RNF149: variants seen among roughly 807,000 people sequenced by gnomAD.
RNF149 encodes ring finger protein 149, also known as E3 ubiquitin-protein ligase RNF149.
In RNF149, 21 loss-of-function variants were observed where a neutral mutation model predicts 39.0. The observed-to-expected ratio is 0.54, with a 90% CI of 0.38 to 0.77. The LOEUF (loss-of-function observed/expected upper bound fraction) is 0.77, where lower values mean the gene tolerates loss of function less well. Ranked by LOEUF, RNF149 falls within the 30% of genes least tolerant of loss-of-function variation. RNF149 has a pLI of 0.00. For synonymous variants in RNF149, 209 were observed against 213.6 expected (o/e 0.98, Z 0.19); for missense variants, 493 against 534.9 (o/e 0.92, Z 0.77).
rs1682338903 is a variant in RNF149, at chr2:101,276,214, A to C, written c.*1024T>G. The C allele has an allele frequency of 5.1e-6, 5 of 985,190 alleles. No homozygotes were observed. The highest frequency in any genetic ancestry group is 6.0e-6 in the Non-Finnish European group (5 of 829,808). The allele number at this position is 985,190 out of a possible 1,614,324, so 61.0% of individuals were successfully genotyped here. Reference sequence around the variant, plus strand: ...CTCATACTCGACTTCTACCTCCAAGAAGTGAAAAAATAGCAGAGTGTGTGT... The same window carrying C: ...CTCATACTCGACTTCTACCTCCAAGCAGTGAAAAAATAGCAGAGTGTGTGT... On this transcript the variant is annotated 3_prime_UTR_variant, in exon 7 of 7. Coordinates refer to ENST00000295317, the MANE Select transcript of RNF149 (RefSeq NM_173647.4).
chr2:101,303,676 G>A (rs1402260849), intron 1 of RNF149, among the ~76,000 whole-genome samples: 2 of 151,954 alleles, frequency 1.3e-5, no homozygotes, highest in East Asian at 3.9e-4. Context: ...GGAGAGTTCA[G>A]GGATTTCTTT....
At chr2:101,286,428 T>G (rs1682796628) in intron 4 of RNF149, 1 of 302,978 alleles carries the variant, frequency 3.3e-6, no homozygotes. Context: ...GGTTGTACAT[T>G]TTTATGTGCC....
In RNF149 at chr2:101,308,647, G is replaced by T. The variant is rs768940190; in HGVS notation, c.-59C>A. On this transcript the variant is annotated 5_prime_UTR_variant, in exon 1 of 7. Transcript: ENST00000295317. ...GGTCACGCGCGAGTGCGGTGCAGTC[G>T]AAGAGCAGAGAGAAGCGGACACCCA... The T allele has an allele frequency of 2.2e-6, 3 of 1,388,920 alleles. No homozygotes were observed. The highest frequency in any genetic ancestry group is 5.4e-5 in the East Asian group (2 of 37,274). 86.0% of individuals were successfully genotyped at this position (1,388,920 alleles called of 1,614,324 possible). A position where few individuals can be genotyped will look rare whatever the true frequency, so the allele number is the denominator to read the frequency against.
intron 6 of RNF149, among the ~76,000 whole-genome samples, chr2:101,281,119 A>G (rs570355827): frequency 2.6e-5 from 4 of 152,354 alleles, no homozygotes; most frequent in African/African-American, 9.6e-5. Flanking sequence ...ACAGAAAACA[A>G]TTAGACAAGG....
downstream of RNF149, among the ~76,000 whole-genome samples, chr2:101,273,703 GCT>G (rs2104377276): frequency 6.6e-6 from 1 of 151,912 alleles, no homozygotes; most frequent in African/African-American, 2.4e-5. Flanking sequence ...GAATTCCTGG[GCT>G]CAAGAGATCC....
intron 4 of RNF149, among the ~76,000 whole-genome samples, chr2:101,288,220 G>T (rs960960846): frequency 7.4e-6 from 1 of 135,338 alleles, no homozygotes; most frequent in Admixed American, 8.0e-5. Context: ...CAGAATAAAG[G>T]AAAGAAAAAC....
At chr2:101,304,853 T>TTTTTTG (rs1683595803) in intron 1 of RNF149, among the ~76,000 whole-genome samples, 1 of 149,282 alleles carries the variant, frequency 6.7e-6, no homozygotes, top group African/African-American at 2.5e-5. Flanking sequence ...TTTTTTTTTT[T>TTTTTTG]TTTTTGAGAC....
Position 101,308,360 on chromosome 2 carries a change from C to G in RNF149, c.229G>C (p.Val77Leu), listed in dbSNP as rs1232204891. ...SSPKEGAHGL[V>L]GVPWAPGGDL... Reference sequence around the variant, plus strand: ...CCGCCGGGCGCCCACGGGACGCCCACCAGGCCATGCGCGCCCTCCTTGGGC... The same window carrying G: ...CCGCCGGGCGCCCACGGGACGCCCAGCAGGCCATGCGCGCCCTCCTTGGGC... Residue 77 changes from valine (V) to leucine (L), a missense_variant, in exon 1 of 7, where the codon GTG (valine) becomes CTG (leucine). Val to Leu is a conservative substitution (Grantham distance 32, BLOSUM62 1). Transcript: ENST00000295317. 1 of 1,604,926 alleles carries G rather than the reference C, an allele frequency of 6.2e-7. No individual in the cohort carries two copies. Among genetic ancestry groups the G allele is most frequent in the East Asian group, 2.3e-5 (1 of 44,204 alleles).
chr2:101,280,176 A>AAATAATAATAAT (rs535984877), intron 6 of RNF149, among the ~76,000 whole-genome samples: 13 of 148,222 alleles, frequency 8.8e-5, no homozygotes, highest in African/African-American at 3.0e-4. Flanking sequence ...ACTCCATCTC[A>AAATAATAATAAT]AATAATAATA....
In RNF149 at chr2:101,285,754, C is replaced by T. The variant is rs544329234; in HGVS notation, c.960+327G>A. Among the ~76,000 whole-genome samples the T allele has an allele frequency of 4.6e-5, 7 of 152,270 alleles. No individual in the cohort carries two copies. In the South Asian group the frequency reaches 8.3e-4, roughly 18 times the overall value. On this transcript the variant is annotated intron_variant, in intron 5 of 6. Coordinates refer to ENST00000295317, the MANE Select transcript of RNF149 (RefSeq NM_173647.4). The stretch of plus-strand genomic sequence containing the variant: ...GCCTGACAACCTATGAGGCTCCTTC[C>T]TTTTCAAATATTTTATGATTCTTGT...
rs137972787 is a variant in RNF149 at position 101,294,078 on chromosome 2, T to C, written c.716A>G (p.His239Arg). Reference sequence around the variant, plus strand: ...AATAACTTTCTTAGTTTCTTTTCTATGGCTCTTGGGTAGGAAAATATTAAT... The same window carrying C: ...AATAACTTTCTTAGTTTCTTTTCTACGGCTCTTGGGTAGGAAAATATTAAT... ...YTGSQIGSQS[H>R]RKETKKVIGQ... Residue 239 changes from histidine (H) to arginine (R), a missense_variant, in exon 3 of 7, where the codon CAT (histidine) becomes CGT (arginine). Transcript: ENST00000295317. The C allele has an allele frequency of 8.4e-6, 13 of 1,547,550 alleles. No homozygotes were observed. The highest frequency in any genetic ancestry group is 4.5e-5 in the East Asian group (2 of 44,510).
At chr2:101,300,318 G>A (rs1199372111) in intron 1 of RNF149, among the ~76,000 whole-genome samples, 1 of 152,090 alleles carries the variant, frequency 6.6e-6, no homozygotes, top group African/African-American at 2.4e-5. Flanking sequence ...GAACAGATGA[G>A]TGGGAGACAG....
In RNF149 at chr2:101,308,469, G is replaced by T. The variant is rs369114143; in HGVS notation, c.120C>A (p.Ala40=). The change falls in exon 1 of 7, where the codon GCC becomes GCA. Residue 40 remains alanine (A), a synonymous_variant. Transcript: ENST00000295317. The part of the protein sequence containing the change: ...ARGRALEWFS[A]VVNIEYVDPQ... The stretch of plus-strand genomic sequence containing the variant: ...GGTCCACGTACTCGATGTTTACCAC[G>T]GCCGAGAACCACTCGAGAGCCCGGC... The T allele has an allele frequency of 1.9e-6, 3 of 1,611,282 alleles. No individual in the cohort carries two copies. Among genetic ancestry groups the T allele is most frequent in the South Asian group, 1.1e-5 (1 of 90,968 alleles).
intron 4 of RNF149, among the ~76,000 whole-genome samples, chr2:101,287,286 G>A (rs1181965271): frequency 1.3e-5 from 2 of 152,156 alleles, no homozygotes; most frequent in East Asian, 1.9e-4. Context: ...CACACCCCTT[G>A]TACTCCAGTC....
At chr2:101,295,278 T>A (rs1335039931) in intron 1 of RNF149, 97 bp from the exon 2 acceptor site, 3 of 1,019,700 alleles carry the variant, frequency 2.9e-6, no homozygotes, top group Non-Finnish European at 4.2e-6. Flanking sequence ...TCTACATATA[T>A]AAATACATTA....
chr2:101,274,251 C>T (rs1293781680), downstream of RNF149, among the ~76,000 whole-genome samples: 1 of 152,110 alleles, frequency 6.6e-6, no homozygotes, highest in Non-Finnish European at 1.5e-5. Context: ...CTTGGCAGGG[C>T]AGATAAAAAA....
At chr2:101,292,237 T>C (rs1683039587) in intron 3 of RNF149, among the ~76,000 whole-genome samples, 1 of 152,192 alleles carries the variant, frequency 6.6e-6, no homozygotes, top group East Asian at 1.9e-4. Flanking sequence ...GGGCCATCTG[T>C]ATATACCTCA....
chr2:101,291,974 C>T (rs1208123867), intron 3 of RNF149, among the ~76,000 whole-genome samples: 1 of 152,190 alleles, frequency 6.6e-6, no homozygotes, highest in East Asian at 1.9e-4. Context: ...TTTAATGTAC[C>T]TAACCTACTG....
At position 101,308,286 on chromosome 2, in the gene RNF149, G is replaced by A; in HGVS notation, c.303C>T (p.Pro101=). Residue 101 remains proline, a synonymous_variant, in exon 1 of 7, where the codon CCC becomes CCT. Transcript: ENST00000295317. ...APDTRFFVPE[P]GGRGAAPWVA... ...CCCAGGGCGCGGCCCCTCGGCCGCC[G>A]GGCTCGGGCACGAAGAAGCGCGTGT... is the stretch of plus-strand genomic sequence containing the variant. The A allele has an allele frequency of 1.3e-6, 2 of 1,577,360 alleles. No homozygotes were observed. The highest frequency in any genetic ancestry group is 1.1e-5 in the South Asian group (1 of 88,216).
Sources: allele counts gnomAD v4.1 joint callset (sites outside exome capture counted in the v4.1 genomes callset), GRCh38; gene constraint gnomAD v4.1.1; transcripts MANE v1.5; gene names NCBI Gene and HGNC (gene_info 2026-07-23, HGNC 2026-07-21).